Variants in WDFY3 observed in about 807,000 individuals in gnomAD.
WDFY3 encodes the protein WD repeat and FYVE domain-containing protein 3.
In WDFY3, 66 loss-of-function variants were observed where a neutral mutation model predicts 409.6. The ratio of observed to expected loss-of-function variants is 0.16; its 90% confidence interval spans 0.13 to 0.20. The LOEUF (loss-of-function observed/expected upper bound fraction) is 0.20, where lower values mean the gene tolerates loss of function less well. WDFY3 is among the 10% of genes least tolerant of loss of function. WDFY3 has a pLI of 1.00. For synonymous variants in WDFY3, 1,521 were observed against 1,537.1 expected (o/e 0.99, Z 0.25); for missense variants, 3,031 against 4,298.1 (o/e 0.71, Z 8.24).
chr4:84,856,877 C>T (rs1226113565), intron 4 of WDFY3, among the ~76,000 whole-genome samples: 2 of 152,060 alleles, frequency 1.3e-5, no homozygotes, highest in Non-Finnish European at 2.9e-5. Context: ...TATTCACTCA[C>T]CATAGGTATT....
At chr4:84,730,628 G>A (rs577119987) in intron 44 of WDFY3, among the ~76,000 whole-genome samples, 4 of 152,124 alleles carry the variant, frequency 2.6e-5, no homozygotes, top group Admixed American at 1.3e-4. Context: ...TACTTCAGAG[G>A]GCTGTTATAA....
chr4:84,707,100 G>C (rs1348469100), intron 53 of WDFY3, among the ~76,000 whole-genome samples: 1 of 151,806 alleles, frequency 6.6e-6, no homozygotes. Context: ...CACCATGCCT[G>C]GCTAATTTTT....
At chr4:84,814,888 T>C (rs1753052085) in intron 13 of WDFY3, among the ~76,000 whole-genome samples, 1 of 152,156 alleles carries the variant, frequency 6.6e-6, no homozygotes. Flanking sequence ...CTGGGGGGTC[T>C]TAGAATGTAT....
rs149265665 is a variant in WDFY3 at position 84,688,830 on chromosome 4, G to A, written c.9364-565C>T. Among the ~76,000 whole-genome samples the A allele has an allele frequency of 3.5e-3, 537 of 152,190 alleles. 1 individual carries two copies. Among genetic ancestry groups the A allele is most frequent in the South Asian group, 7.3e-3 (35 of 4,820 alleles). ...ACATGCTGAAGTCCTGCTGCCAATC[G>A]GAGATATCTGAGTATCTGTGCCTGA... On this transcript the variant is annotated intron_variant, in intron 61 of 67. Transcript: ENST00000295888.
intron 60 of WDFY3, among the ~76,000 whole-genome samples, chr4:84,691,144 C>A (rs1018834678): frequency 6.6e-6 from 1 of 152,164 alleles, no homozygotes; most frequent in African/African-American, 2.4e-5. Flanking sequence ...ACACAGGGCA[C>A]TAAAGGATCA....
chr4:84,849,766 G>T (rs1758626048), intron 5 of WDFY3, 136 bp downstream of exon 5: 1 of 1,237,904 alleles, frequency 8.1e-7, no homozygotes, highest in Non-Finnish European at 1.1e-6. Flanking sequence ...GTGACTCTAA[G>T]AAAGGGAAAG....
intron 3 of WDFY3, among the ~76,000 whole-genome samples, chr4:84,872,578 G>T (rs905186302): frequency 6.6e-6 from 1 of 151,940 alleles, no homozygotes; most frequent in Admixed American, 6.6e-5. Context: ...AAGAACAAAT[G>T]CAACAAATAG....
intron 33 of WDFY3, among the ~76,000 whole-genome samples, chr4:84,756,099 C>T (rs1308723901): frequency 6.6e-6 from 1 of 152,180 alleles, no homozygotes; most frequent in Non-Finnish European, 1.5e-5. Flanking sequence ...TATATACAGA[C>T]ATCTTTAACA....
intron 63 of WDFY3, 71 bp from the exon 64 acceptor site, chr4:84,682,541 G>C (rs1364510075): frequency 8.6e-7 from 1 of 1,166,756 alleles, no homozygotes; most frequent in African/African-American, 1.5e-5. Flanking sequence ...ATTACTCAAT[G>C]AAGAGAGACT....
At chr4:84,775,240 T>C (rs1338278569) in intron 27 of WDFY3, 102 bp from the exon 28 acceptor site, 1 of 981,330 alleles carries the variant, frequency 1.0e-6, no homozygotes, top group Non-Finnish European at 1.5e-6. Flanking sequence ...TTCACTTATA[T>C]AATTATTATC....
At chr4:84,819,900 T>C in intron 12 of WDFY3, among the ~76,000 whole-genome samples, 185 bp downstream of exon 12, 1 of 152,170 alleles carries the variant, frequency 6.6e-6, no homozygotes, top group East Asian at 1.9e-4. Context: ...CAATCTTATA[T>C]GTTTTGTCAT....
intron 2 of WDFY3, among the ~76,000 whole-genome samples, chr4:84,905,902 C>T (rs1766980844): frequency 6.6e-6 from 1 of 152,200 alleles, no homozygotes; most frequent in African/African-American, 2.4e-5. Context: ...TTTTCAGCTT[C>T]AAGGTCACCT....
At chr4:84,787,859 A>G in intron 22 of WDFY3, 146 bp from the exon 23 acceptor site, 1 of 709,660 alleles carries the variant, frequency 1.4e-6, no homozygotes, top group Non-Finnish European at 2.3e-6. Flanking sequence ...CAGGAAGGGC[A>G]AGGCACGATA....
chr4:84,777,290 G>A (rs949088635), intron 27 of WDFY3, among the ~76,000 whole-genome samples: 3 of 152,112 alleles, frequency 2.0e-5, no homozygotes, highest in African/African-American at 7.2e-5. Flanking sequence ...ACAGAGATGA[G>A]ACCGTCAGCC....
intron 1 of WDFY3, among the ~76,000 whole-genome samples, chr4:84,959,188 A>G (rs562911796): frequency 6.6e-6 from 1 of 152,224 alleles, no homozygotes; most frequent in Admixed American, 6.5e-5. Flanking sequence ...GCTGTCAGAG[A>G]TGTGACTGGA....
intron 43 of WDFY3, 145 bp from the exon 44 acceptor site, chr4:84,733,754 T>TA (rs752021122): frequency 2.1e-5 from 17 of 809,788 alleles, no homozygotes; most frequent in Non-Finnish European, 3.0e-5. Flanking sequence ...AAAATTACAT[T>TA]TGTTTATGGT....
intron 25 of WDFY3, among the ~76,000 whole-genome samples, chr4:84,780,740 G>A (rs1746350514): frequency 6.6e-6 from 1 of 151,766 alleles, no homozygotes; most frequent in Admixed American, 6.6e-5. Context: ...CTCCAGCCTG[G>A]GTGACAGAGG....
At chr4:84,850,082 T>G (rs1758668398) in intron 4 of WDFY3, 57 bp from the exon 5 acceptor site, 2 of 1,523,600 alleles carry the variant, frequency 1.3e-6, no homozygotes, top group Admixed American at 2.3e-5. Context: ...CTTTTTATTT[T>G]GTGAATTTTC....
chr4:84,844,480 C>G, intron 5 of WDFY3: 1 of 1,289,488 alleles, frequency 7.8e-7, no homozygotes, highest in Non-Finnish European at 1.0e-6. Flanking sequence ...GCTTTGAAAT[C>G]CTTGGGGGAC....
Sources: allele counts gnomAD v4.1 joint callset (sites outside exome capture counted in the v4.1 genomes callset), GRCh38; gene constraint gnomAD v4.1.1; transcripts MANE v1.5; gene names NCBI Gene and HGNC (gene_info 2026-07-23, HGNC 2026-07-21).